The following C1QTNF3 variants were observed in gnomAD, a reference collection of about 807,000 sequenced individuals.
C1QTNF3 encodes the protein C1q and TNF related 3, also known as complement C1q tumor necrosis factor-related protein 3.
Under a neutral mutation model 32.6 loss-of-function variants are expected in C1QTNF3, and 26 were observed. The observed-to-expected ratio is 0.80, with a 90% confidence interval of 0.58 to 1.11. The LOEUF (loss-of-function observed/expected upper bound fraction) is 1.11, where lower values mean the gene tolerates loss of function less well. C1QTNF3 is among the 50% of genes least tolerant of loss of function. C1QTNF3 has a pLI of 0.00. For missense variants in C1QTNF3, 362 were observed against 398.2 expected (o/e 0.91, Z 0.77); for synonymous variants, 155 against 146.0 (o/e 1.06, Z -0.44).
At chr5:34,030,232 G>T (rs963005337) in intron 3 of C1QTNF3, among the ~76,000 whole-genome samples, 5 of 152,314 alleles carry the variant, frequency 3.3e-5, no homozygotes, top group Admixed American at 2.6e-4. Context: ...ACCCATTTCT[G>T]GGAATGGTTA....
At chr5:34,154,879 A>G in the C1QTNF3 span, among the ~76,000 whole-genome samples, 2 of 152,116 alleles carry the variant, frequency 1.3e-5, no homozygotes, top group Non-Finnish European at 2.9e-5. Flanking sequence ...AACTATTAAC[A>G]ATCTTGCCAG....
the C1QTNF3 span, among the ~76,000 whole-genome samples, chr5:34,208,110 T>C: frequency 6.6e-6 from 1 of 152,106 alleles, no homozygotes; most frequent in African/African-American, 2.4e-5. Flanking sequence ...GCTTTTAAGC[T>C]CCTTCCTAAA....
chr5:34,038,208 C>T (rs574709442), intron 1 of C1QTNF3, among the ~76,000 whole-genome samples: 3 of 152,268 alleles, frequency 2.0e-5, no homozygotes, highest in East Asian at 1.9e-4. Flanking sequence ...CTTCAAAATA[C>T]GTGCTTCAGC....
the C1QTNF3 span, among the ~76,000 whole-genome samples, chr5:34,206,828 GTACT>G: frequency 6.6e-6 from 1 of 151,822 alleles, no homozygotes; most frequent in South Asian, 2.1e-4. Flanking sequence ...GTAAGATACA[GTACT>G]TAAAGCCCTG....
the C1QTNF3 span, among the ~76,000 whole-genome samples, chr5:34,127,271 CAGA>C: frequency 6.6e-6 from 1 of 151,932 alleles, no homozygotes; most frequent in Non-Finnish European, 1.5e-5. Flanking sequence ...TTGGAGGGCT[CAGA>C]AGAAGACGGG....
the C1QTNF3 span, among the ~76,000 whole-genome samples, chr5:34,093,795 A>G: frequency 6.6e-6 from 1 of 152,038 alleles, no homozygotes; most frequent in Admixed American, 6.6e-5. Flanking sequence ...TCACAAACCA[A>G]TCATCACACA....
chr5:34,051,212 TG>T, the C1QTNF3 span, among the ~76,000 whole-genome samples: 1 of 152,230 alleles, frequency 6.6e-6, no homozygotes, highest in South Asian at 2.1e-4. Flanking sequence ...GGAAATAACC[TG>T]GTCCTAGATG....
At chr5:34,142,488 G>T in the C1QTNF3 span, among the ~76,000 whole-genome samples, 1 of 151,592 alleles carries the variant, frequency 6.6e-6, no homozygotes, top group African/African-American at 2.4e-5. Flanking sequence ...ATGATGAGAG[G>T]AGCTCCCCCA....
chr5:34,119,677 C>G, the C1QTNF3 span, among the ~76,000 whole-genome samples: 2 of 152,048 alleles, frequency 1.3e-5, no homozygotes, highest in Non-Finnish European at 2.9e-5. Context: ...CTTGCCTTTT[C>G]CAACTTTGAG....
the C1QTNF3 span, among the ~76,000 whole-genome samples, chr5:34,219,044 A>G: frequency 6.6e-6 from 1 of 152,124 alleles, no homozygotes; most frequent in South Asian, 2.1e-4. Context: ...TGCACACAGA[A>G]ATATATTTTG....
At chr5:34,125,905 G>A in the C1QTNF3 span, among the ~76,000 whole-genome samples, 2 of 152,154 alleles carry the variant, frequency 1.3e-5, no homozygotes, top group Non-Finnish European at 2.9e-5. Context: ...ACAAAAAGAG[G>A]AAAGAATTAT....
chr5:34,143,839 A>G, the C1QTNF3 span, among the ~76,000 whole-genome samples: 2 of 152,178 alleles, frequency 1.3e-5, no homozygotes, highest in Admixed American at 1.3e-4. Context: ...ACTTAAGCAC[A>G]TAGCCCGCAG....
At chr5:34,170,753 A>G in the C1QTNF3 span, among the ~76,000 whole-genome samples, 2 of 152,174 alleles carry the variant, frequency 1.3e-5, no homozygotes, top group Admixed American at 1.3e-4. Flanking sequence ...TAAATTCAGT[A>G]CACAAGAATT....
At chr5:34,240,874 G>C in the C1QTNF3 span, among the ~76,000 whole-genome samples, 14 of 152,226 alleles carry the variant, frequency 9.2e-5, no homozygotes, top group East Asian at 2.7e-3. Flanking sequence ...TCTCAACAAA[G>C]TACTAGCAAA....
the C1QTNF3 span, among the ~76,000 whole-genome samples, chr5:34,065,917 G>A: frequency 6.6e-6 from 1 of 152,138 alleles, no homozygotes; most frequent in Non-Finnish European, 1.5e-5. Context: ...TGGCAAAGAC[G>A]TGGAATCAAC....
At chr5:34,242,111 G>A in the C1QTNF3 span, among the ~76,000 whole-genome samples, 3 of 152,036 alleles carry the variant, frequency 2.0e-5, no homozygotes, top group African/African-American at 7.3e-5. Context: ...GTAGATTCAA[G>A]GCTATCTCCA....
the C1QTNF3 span, among the ~76,000 whole-genome samples, chr5:34,225,150 G>A: frequency 1.3e-5 from 2 of 152,022 alleles, no homozygotes; most frequent in East Asian, 1.9e-4. Context: ...CTGTGGCATA[G>A]AGGAAATTTC....
the C1QTNF3 span, among the ~76,000 whole-genome samples, chr5:34,123,365 T>C: frequency 6.6e-6 from 1 of 152,216 alleles, no homozygotes; most frequent in African/African-American, 2.4e-5. Context: ...TGCATCCATA[T>C]CTACATCTAC....
the C1QTNF3 span, among the ~76,000 whole-genome samples, chr5:34,073,612 A>T: frequency 6.6e-6 from 1 of 152,254 alleles, no homozygotes; most frequent in African/African-American, 2.4e-5. Flanking sequence ...ATTTATGAAC[A>T]CAAGAAATTA....
Sources: allele counts gnomAD v4.1 joint callset (sites outside exome capture counted in the v4.1 genomes callset), GRCh38; gene constraint gnomAD v4.1.1; transcripts MANE v1.5; gene names NCBI Gene and HGNC (gene_info 2026-07-23, HGNC 2026-07-21).